The following SAMMSON variants were observed in gnomAD, a reference collection of about 807,000 sequenced individuals.
SAMMSON encodes the protein survival associated mitochondrial melanoma specific oncogenic non-coding RNA.
intron 6 of SAMMSON, among the ~76,000 whole-genome samples, chr3:70,269,545 C>A (rs1403944117): frequency 6.6e-6 from 1 of 152,086 alleles, no homozygotes; most frequent in Non-Finnish European, 1.5e-5. Flanking sequence ...TATTTTTTGA[C>A]CACGTAGCAG....
intron 4 of SAMMSON, among the ~76,000 whole-genome samples, chr3:70,076,351 A>G (rs1455672351): frequency 1.3e-5 from 2 of 152,172 alleles, no homozygotes; most frequent in Non-Finnish European, 2.9e-5. Flanking sequence ...GGGAGTATAA[A>G]TTGGGATGAC....
chr3:70,167,190 C>A (rs1323305101), intron 4 of SAMMSON, among the ~76,000 whole-genome samples: 1 of 151,960 alleles, frequency 6.6e-6, no homozygotes, highest in Non-Finnish European at 1.5e-5. Context: ...CTCATAGTCA[C>A]ATGTGGCTAG....
At chr3:70,245,671 TTATATATATATATATATATATA>T (rs34480688) in intron 4 of SAMMSON, among the ~76,000 whole-genome samples, 47 of 57,242 alleles carry the variant, frequency 8.2e-4, no homozygotes, top group East Asian at 2.8e-3. Flanking sequence ...GCAAACTGCT[TTATATATATATATATATATATA>T]TATATATATA....
At chr3:70,288,395 C>G (rs1227953309) in intron 6 of SAMMSON, among the ~76,000 whole-genome samples, 1 of 144,952 alleles carries the variant, frequency 6.9e-6, no homozygotes, top group Admixed American at 6.9e-5. Context: ...ATCCTGAGTT[C>G]TAGTTTGATT....
intron 6 of SAMMSON, among the ~76,000 whole-genome samples, chr3:70,283,384 G>T (rs898583426): frequency 6.6e-5 from 10 of 152,022 alleles, no homozygotes; most frequent in African/African-American, 2.4e-4. Context: ...GAAACTGGAT[G>T]GTTATTGTTC....
At chr3:70,365,129 A>G (rs1047211806) in intron 9 of SAMMSON, among the ~76,000 whole-genome samples, 3 of 151,698 alleles carry the variant, frequency 2.0e-5, no homozygotes, top group Non-Finnish European at 4.4e-5. Flanking sequence ...CATACAGAAT[A>G]TTTTTGCCAT....
Position 70,419,628 on chromosome 3 carries a change from T to A in SAMMSON, n.234-42932T>A, listed in dbSNP as rs1701295617. Among the ~76,000 whole-genome samples, 8 of 152,078 alleles carry A rather than the reference T, an allele frequency of 5.3e-5. No individual in the cohort carries two copies. In the South Asian group the frequency reaches 1.7e-3, roughly 32 times the overall value. On this transcript the variant is annotated intron_variant and non_coding_transcript_variant, in intron 2 of 3. Transcript: ENST00000641053. ...ACATGTGGAAACCCCACTACAATTA[T>A]GCTATCTGAAAATGGTTTGTTTGTT...
At chr3:70,222,937 T>G (rs1207745297) in intron 4 of SAMMSON, among the ~76,000 whole-genome samples, 1 of 152,216 alleles carries the variant, frequency 6.6e-6, no homozygotes, top group African/African-American at 2.4e-5. Context: ...ATGGTATACC[T>G]ACATAATTTA....
At chr3:70,229,767 T>C (rs1215268383) in intron 4 of SAMMSON, among the ~76,000 whole-genome samples, 3 of 152,200 alleles carry the variant, frequency 2.0e-5, no homozygotes, top group Non-Finnish European at 4.4e-5. Context: ...GGGATATCTA[T>C]CTGCATTGAG....
Position 70,191,653 on chromosome 3 carries a change from C to T in SAMMSON, n.508-57454C>T, listed in dbSNP as rs182806751. 1.5e-3 allele frequency among the ~76,000 whole-genome samples: 235 copies of T among 152,296 alleles called. 1 individual carries two copies. The highest frequency in any genetic ancestry group is 3.4e-3 in the Middle Eastern group (1 of 294). ...AGGATAACAACTCTTAAAACATTTA[C>T]TACCAGTGAATGTTTTTCTTTGATA... On this transcript the variant is annotated intron_variant and non_coding_transcript_variant, in intron 4 of 9. Transcript: ENST00000642114.
intron 7 of SAMMSON, among the ~76,000 whole-genome samples, chr3:70,345,682 C>T (rs138599254): frequency 0.013 from 1,905 of 152,230 alleles, 21 homozygotes; most frequent in Non-Finnish European, 0.019. Flanking sequence ...AACCATTAAT[C>T]GGTTTACCAT....
At chr3:70,056,920 G>C (rs111312737) in intron 3 of SAMMSON, among the ~76,000 whole-genome samples, 7 of 151,996 alleles carry the variant, frequency 4.6e-5, no homozygotes, top group South Asian at 4.1e-4. Context: ...AAATGAACTA[G>C]TTTAAAAATA....
chr3:70,015,561 T>G (rs982128630), intron 3 of SAMMSON, among the ~76,000 whole-genome samples: 9 of 152,108 alleles, frequency 5.9e-5, no homozygotes, highest in Non-Finnish European at 1.0e-4. Context: ...ACTTGAGGTG[T>G]CTTTCTTTCT....
At chr3:70,019,624 T>TA (rs2067002594) in intron 3 of SAMMSON, among the ~76,000 whole-genome samples, 1 of 152,174 alleles carries the variant, frequency 6.6e-6, no homozygotes, top group Non-Finnish European at 1.5e-5. Context: ...ATCCTGTCAT[T>TA]ATGATGTTAG....
chr3:70,371,576 T>C (rs924116588), intron 9 of SAMMSON, among the ~76,000 whole-genome samples: 2 of 152,114 alleles, frequency 1.3e-5, no homozygotes, highest in Non-Finnish European at 2.9e-5. Flanking sequence ...AATTTATTCC[T>C]AGGCATTTTA....
chr3:70,118,164 C>T (rs1048660653), intron 4 of SAMMSON, among the ~76,000 whole-genome samples: 1 of 152,060 alleles, frequency 6.6e-6, no homozygotes, highest in Non-Finnish European at 1.5e-5. Flanking sequence ...CCTTGTGATC[C>T]GGCTGCCTCA....
chr3:70,400,768 T>TA (rs369042955), intron 2 of SAMMSON, among the ~76,000 whole-genome samples: 118 of 152,060 alleles, frequency 7.8e-4, no homozygotes, highest in African/African-American at 2.7e-3. Flanking sequence ...CTGTCTCTAC[T>TA]AAAAATCACA....
chr3:70,201,998 C>G (rs1326296232), intron 4 of SAMMSON, among the ~76,000 whole-genome samples: 3 of 152,180 alleles, frequency 2.0e-5, no homozygotes, highest in Admixed American at 2.0e-4. Context: ...TTTTATCTCT[C>G]TCTGAATGTA....
intron 9 of SAMMSON, among the ~76,000 whole-genome samples, chr3:70,363,912 T>C (rs1702898273): frequency 1.3e-5 from 2 of 151,820 alleles, no homozygotes; most frequent in South Asian, 4.1e-4. Context: ...TACGTGAGCA[T>C]TTAATATAGT....
Sources: gnomAD v4.1 joint callset for allele counts (sites outside exome capture counted in the v4.1 genomes callset) on GRCh38, gnomAD v4.1.1 for gene constraint, MANE v1.5 for transcripts, NCBI Gene and HGNC (gene_info 2026-07-23, HGNC 2026-07-21) for gene names.